Variants in SPATA9 observed in about 807,000 individuals in gnomAD.
The protein encoded by SPATA9 is spermatogenesis-associated protein 9.
In SPATA9, 27 loss-of-function variants were observed where a neutral mutation model predicts 25.5. The observed-to-expected ratio is 1.06, with a 90% CI of 0.78 to 1.46. SPATA9 has a LOEUF of 1.46. SPATA9 is among the 40% of genes most tolerant of loss of function. SPATA9 has a pLI of 0.00. For missense variants in SPATA9, 282 were observed against 297.5 expected (o/e 0.95, Z 0.38); for synonymous variants, 102 against 105.7 (o/e 0.97, Z 0.21).
At chr5:95,652,716 C>A, downstream of SPATA9, 1 of 233,456 alleles carries the variant, frequency 4.3e-6, no homozygotes, top group Non-Finnish European at 8.2e-6. Context: ...ATAAATGTAG[C>A]CTTTGAATAG....
upstream of SPATA9, among the ~76,000 whole-genome samples, chr5:95,702,697 A>G (rs568399668): frequency 1.1e-4 from 17 of 152,188 alleles, no homozygotes; most frequent in South Asian, 3.3e-3. Context: ...GCAACATAGC[A>G]ATACCCCATC....
At chr5:95,730,660 T>TA in the SPATA9 span, among the ~76,000 whole-genome samples, 2 of 152,162 alleles carry the variant, frequency 1.3e-5, no homozygotes, top group African/African-American at 2.4e-5. Context: ...TAACTTCCTT[T>TA]AAAAACGATC....
chr5:95,684,554 G>T (rs1753685081), upstream of SPATA9: 1 of 152,226 alleles, frequency 6.6e-6, no homozygotes, highest in South Asian at 2.1e-4. Context: ...GCAACTCTTT[G>T]TGTTTGCTAA....
At chr5:95,665,045 T>C (rs766108393) in intron 3 of SPATA9, among the ~76,000 whole-genome samples, 4 of 152,230 alleles carry the variant, frequency 2.6e-5, no homozygotes, top group African/African-American at 7.2e-5. Context: ...ATGCAATCTT[T>C]TTATTTTTTC....
chr5:95,665,643 T>C, intron 3 of SPATA9, among the ~76,000 whole-genome samples: 1 of 151,912 alleles, frequency 6.6e-6, no homozygotes, highest in East Asian at 1.9e-4. Context: ...AGGTTGATTC[T>C]ATATCCAGGC....
At chr5:95,710,327 A>T in the SPATA9 span, among the ~76,000 whole-genome samples, 5 of 152,252 alleles carry the variant, frequency 3.3e-5, no homozygotes, top group Admixed American at 3.3e-4. Flanking sequence ...AAGTCAAACG[A>T]GGCTGATCTA....
At chr5:95,666,728 G>A (rs1751843509) in intron 3 of SPATA9, among the ~76,000 whole-genome samples, 1 of 126,856 alleles carries the variant, frequency 7.9e-6, no homozygotes, top group South Asian at 2.5e-4. Flanking sequence ...GTGACTGTAA[G>A]GCAGCAGCAT....
At chr5:95,685,629 T>C (rs541854072), upstream of SPATA9, among the ~76,000 whole-genome samples, 14 of 152,312 alleles carry the variant, frequency 9.2e-5, no homozygotes, top group African/African-American at 2.9e-4. Context: ...TTAAAACTTA[T>C]TATCTGGAGG....
At chr5:95,654,545 A>G (rs1263206083), downstream of SPATA9, among the ~76,000 whole-genome samples, 1 of 152,236 alleles carries the variant, frequency 6.6e-6, no homozygotes, top group Non-Finnish European at 1.5e-5. Context: ...CTCTATATCT[A>G]TTCTATGGCC....
the SPATA9 span, among the ~76,000 whole-genome samples, chr5:95,705,945 GT>G: frequency 6.6e-6 from 1 of 152,034 alleles, no homozygotes; most frequent in East Asian, 1.9e-4. Context: ...TTACTTTTCT[GT>G]TTCTGTAAGG....
chr5:95,667,931 CCTCT>C (rs1161441017), intron 3 of SPATA9, among the ~76,000 whole-genome samples: 1 of 152,096 alleles, frequency 6.6e-6, no homozygotes, highest in Non-Finnish European at 1.5e-5. Flanking sequence ...GCCTCTCCCA[CCTCT>C]CTCTCTTCCT....
At chr5:95,708,783 G>A in the SPATA9 span, 1 of 607,844 alleles carries the variant, frequency 1.6e-6, no homozygotes, top group Non-Finnish European at 2.9e-6. Flanking sequence ...CGACTGCAAA[G>A]GTGACTTCCT....
chr5:95,719,611 A>G, the SPATA9 span: 4 of 152,212 alleles, frequency 2.6e-5, no homozygotes, highest in African/African-American at 9.6e-5. Flanking sequence ...ATAGTAAAAA[A>G]CATATATACA....
chr5:95,681,484 TAG>T (rs1753451196), intron 2 of SPATA9, among the ~76,000 whole-genome samples: 1 of 152,160 alleles, frequency 6.6e-6, no homozygotes, highest in East Asian at 1.9e-4. Context: ...CCTTCCTCAG[TAG>T]AGTCATTCAC....
chr5:95,692,587 T>C (rs1477693771), intron 1 of SPATA9, among the ~76,000 whole-genome samples: 1 of 152,028 alleles, frequency 6.6e-6, no homozygotes, highest in Non-Finnish European at 1.5e-5. Context: ...TTTCCTTACT[T>C]TTAGTTTTTC....
chr5:95,716,057 TG>T, the SPATA9 span, among the ~76,000 whole-genome samples: 1 of 152,206 alleles, frequency 6.6e-6, no homozygotes, highest in East Asian at 1.9e-4. Context: ...AACAACAGGA[TG>T]GTTACTTTGG....
chr5:95,664,493 A>T (rs1751568924), intron 3 of SPATA9, among the ~76,000 whole-genome samples: 1 of 152,230 alleles, frequency 6.6e-6, no homozygotes. Flanking sequence ...GAGACTGCTG[A>T]AGGCGAGCAT....
the SPATA9 span, chr5:95,730,787 C>T: frequency 2.3e-6 from 1 of 428,838 alleles, no homozygotes; most frequent in South Asian, 1.6e-5. Context: ...GGTGTGTGAA[C>T]AAAGAACTCT....
chr5:95,702,354 A>C (rs1345323733), upstream of SPATA9, among the ~76,000 whole-genome samples: 1 of 152,192 alleles, frequency 6.6e-6, no homozygotes, highest in Non-Finnish European at 1.5e-5. Context: ...CCATCAAGGG[A>C]TAGAATTCAC....
Sources: allele counts gnomAD v4.1 joint callset (sites outside exome capture counted in the v4.1 genomes callset), GRCh38; gene constraint gnomAD v4.1.1; transcripts MANE v1.5; gene names NCBI Gene and HGNC (gene_info 2026-07-23, HGNC 2026-07-21).